MACROD2: variants seen among roughly 807,000 people sequenced by gnomAD.
MACROD2 encodes mono-ADP ribosylhydrolase 2.
Under a neutral mutation model 70.4 loss-of-function variants are expected in MACROD2, and 36 were observed. The ratio of observed to expected loss-of-function variants is 0.51; its 90% CI spans 0.39 to 0.68. MACROD2 has a LOEUF of 0.68. MACROD2 is among the 30% of genes least tolerant of loss of function. The probability of loss-of-function intolerance (pLI) is 0.00; values close to 1 mark genes in which losing one functional copy is unlikely to be tolerated. For missense variants in MACROD2, 496 were observed against 538.4 expected (o/e 0.92, Z 0.78); for synonymous variants, 172 against 178.8 (o/e 0.96, Z 0.30).
intron 5 of MACROD2, among the ~76,000 whole-genome samples, chr20:14,838,753 A>T (rs1175283639): frequency 6.6e-6 from 1 of 152,132 alleles, no homozygotes; most frequent in Non-Finnish European, 1.5e-5. Flanking sequence ...GGTTTGTAAG[A>T]TAAAAGAGAG....
At chr20:15,650,174 G>A (rs780613634) in intron 8 of MACROD2, among the ~76,000 whole-genome samples, 18 of 152,198 alleles carry the variant, frequency 1.2e-4, no homozygotes, top group Non-Finnish European at 2.4e-4. Context: ...AGTAGGGAAT[G>A]TGTAGGAAAT....
chr20:14,083,184 C>T (rs2054023335), intron 2 of MACROD2, among the ~76,000 whole-genome samples: 1 of 149,866 alleles, frequency 6.7e-6, no homozygotes, highest in South Asian at 2.1e-4. Context: ...GTAATCCCAG[C>T]ACTTTGGGAG....
chr20:15,427,185 TAC>T (rs1329526675), intron 6 of MACROD2, among the ~76,000 whole-genome samples: 1 of 152,212 alleles, frequency 6.6e-6, no homozygotes, highest in Non-Finnish European at 1.5e-5. Flanking sequence ...GCAATAATAT[TAC>T]CAAAGTCATC....
At chr20:14,274,122 G>A (rs1426800608) in intron 3 of MACROD2, among the ~76,000 whole-genome samples, 1 of 152,108 alleles carries the variant, frequency 6.6e-6, no homozygotes, top group Non-Finnish European at 1.5e-5. Context: ...AGAAGAAGAG[G>A]GAATCCTCCC....
chr20:15,733,023 T>C (rs2050967667), intron 8 of MACROD2, among the ~76,000 whole-genome samples: 1 of 152,196 alleles, frequency 6.6e-6, no homozygotes, highest in Non-Finnish European at 1.5e-5. Context: ...TCACATTATC[T>C]ATTTCTTCTT....
intron 3 of MACROD2, among the ~76,000 whole-genome samples, chr20:14,238,069 A>C (rs1038138937): frequency 5.3e-5 from 8 of 152,128 alleles, no homozygotes; most frequent in African/African-American, 1.9e-4. Context: ...CAGTAATGGG[A>C]TGGCTGGGTC....
Position 14,757,739 on chromosome 20 carries a change from C to T in MACROD2, c.418+72780C>T. On this transcript the variant is annotated intron_variant, in intron 5 of 17. Transcript: ENST00000684519. ...CAAGTCCCGAGGCTACGTGAAGGCACAGTTTGCCTGGAGACATTTCTACTG... is the reference window on the plus strand; with the variant it reads ...CAAGTCCCGAGGCTACGTGAAGGCATAGTTTGCCTGGAGACATTTCTACTG... 5 of 1,530,680 alleles carry T rather than the reference C, an allele frequency of 3.3e-6. No individual in the cohort carries two copies. The South Asian group carries it at 4.5e-5, about 14-fold the overall frequency. The allele number at this position is 1,530,680 out of a possible 1,614,324, so 94.8% of individuals were successfully genotyped here.
intron 8 of MACROD2, among the ~76,000 whole-genome samples, chr20:15,663,893 G>A (rs1315857573): frequency 6.6e-6 from 1 of 152,184 alleles, no homozygotes; most frequent in Non-Finnish European, 1.5e-5. Flanking sequence ...AAAGCAGTGC[G>A]TGTTGCTTCT....
intron 5 of MACROD2, among the ~76,000 whole-genome samples, chr20:15,077,433 A>G (rs963176546): frequency 6.6e-6 from 1 of 152,220 alleles, no homozygotes. Context: ...TAGTTCCAGG[A>G]TGTAACACTG....
At chr20:14,398,772 G>T (rs758792080) in intron 3 of MACROD2, among the ~76,000 whole-genome samples, 10 of 151,912 alleles carry the variant, frequency 6.6e-5, no homozygotes, top group Non-Finnish European at 1.5e-4. Flanking sequence ...TCTTTTAAAG[G>T]TATTTCAAAA....
chr20:14,722,127 A>G (rs936037247), intron 5 of MACROD2, among the ~76,000 whole-genome samples: 1 of 152,220 alleles, frequency 6.6e-6, no homozygotes, highest in African/African-American at 2.4e-5. Context: ...AGACTTCTTC[A>G]TAAGACTCTC....
chr20:14,483,386 T>C (rs895322837), intron 3 of MACROD2, among the ~76,000 whole-genome samples: 6 of 152,078 alleles, frequency 3.9e-5, no homozygotes, highest in Admixed American at 1.3e-4. Context: ...TAAGTTAATA[T>C]CTTCTCAAGT....
chr20:14,287,974 GATC>G (rs2082357979), intron 3 of MACROD2, among the ~76,000 whole-genome samples: 1 of 152,010 alleles, frequency 6.6e-6, no homozygotes, highest in African/African-American at 2.4e-5. Context: ...CATGTACACT[GATC>G]ATCAACAATC....
At chr20:15,579,840 C>T (rs1440542448) in intron 8 of MACROD2, among the ~76,000 whole-genome samples, 1 of 152,166 alleles carries the variant, frequency 6.6e-6, no homozygotes, top group Non-Finnish European at 1.5e-5. Flanking sequence ...GGATGTTAGA[C>T]CCTCTCTTTT....
At chr20:15,753,524 C>T (rs1341969467) in intron 8 of MACROD2, among the ~76,000 whole-genome samples, 1 of 152,180 alleles carries the variant, frequency 6.6e-6, no homozygotes, top group Non-Finnish European at 1.5e-5. Flanking sequence ...TGTTGATGGG[C>T]ATCTATGTTG....
At chr20:15,779,549 A>G (rs1170457398) in intron 8 of MACROD2, among the ~76,000 whole-genome samples, 1 of 152,116 alleles carries the variant, frequency 6.6e-6, no homozygotes, top group African/African-American at 2.4e-5. Flanking sequence ...ACAATTAGAG[A>G]TTTATTAAGA....
At chr20:15,388,437 C>G (rs1439640627) in intron 6 of MACROD2, among the ~76,000 whole-genome samples, 1 of 152,104 alleles carries the variant, frequency 6.6e-6, no homozygotes, top group African/African-American at 2.4e-5. Flanking sequence ...TGCTTCTTTA[C>G]AGTAGTGGAT....
At chr20:15,511,176 A>G (rs1438576983) in intron 8 of MACROD2, among the ~76,000 whole-genome samples, 2 of 152,218 alleles carry the variant, frequency 1.3e-5, no homozygotes, top group Admixed American at 1.3e-4. Context: ...GGAAGGAGCT[A>G]TGCACGCATA....
intron 5 of MACROD2, among the ~76,000 whole-genome samples, chr20:15,007,452 A>G (rs1305102255): frequency 6.6e-6 from 1 of 152,158 alleles, no homozygotes; most frequent in Admixed American, 6.5e-5. Flanking sequence ...CTCTTGTTCA[A>G]TTTTAGAGAT....
Sources: gnomAD v4.1 joint callset for allele counts (sites outside exome capture counted in the v4.1 genomes callset) on GRCh38, gnomAD v4.1.1 for gene constraint, MANE v1.5 for transcripts, NCBI Gene and HGNC (gene_info 2026-07-23, HGNC 2026-07-21) for gene names.